SLC2A9: variants seen among roughly 807,000 people sequenced by gnomAD.
SLC2A9 encodes solute carrier family 2 member 9, also known as solute carrier family 2, facilitated glucose transporter member 9.
SLC2A9 carries 39 observed loss-of-function variants against 50.6 expected under a neutral mutation model. That is an observed-to-expected ratio of 0.77 (90% confidence interval 0.60 to 1.01). SLC2A9 has a LOEUF of 1.01. SLC2A9 is among the 50% of genes least tolerant of loss of function. SLC2A9 has a pLI of 0.00. For missense variants in SLC2A9, 686 were observed against 677.6 expected, an observed-to-expected ratio of 1.01 and a Z score of -0.14; for synonymous variants, 324 against 276.9, an observed-to-expected ratio of 1.17 and a Z score of -1.69.
At chr4:9,775,991 T>C (rs527351053), downstream of SLC2A9, among the ~76,000 whole-genome samples, 1 of 152,158 alleles carries the variant, frequency 6.6e-6, no homozygotes, top group Admixed American at 6.5e-5. Context: ...GGCTCAGATC[T>C]GTGGTTCACA....
intron 7 of SLC2A9, among the ~76,000 whole-genome samples, chr4:9,911,756 T>C (rs1741847981): frequency 1.3e-5 from 2 of 152,186 alleles, no homozygotes; most frequent in South Asian, 4.1e-4. Context: ...ATTTTAATGA[T>C]GATAAAAGAA....
At chr4:10,027,910 C>A (rs931203748) in intron 1 of SLC2A9, among the ~76,000 whole-genome samples, 1 of 152,016 alleles carries the variant, frequency 6.6e-6, no homozygotes, top group African/African-American at 2.4e-5. Context: ...CTATAGTTAC[C>A]CTGCTGATCT....
chr4:9,974,741 T>C (rs1754503790), intron 5 of SLC2A9, among the ~76,000 whole-genome samples: 1 of 151,676 alleles, frequency 6.6e-6, no homozygotes, highest in South Asian at 2.1e-4. Context: ...TCCACCAAAC[T>C]AGAAAAAAAA....
chr4:9,872,270 T>C (rs985361836), intron 10 of SLC2A9, among the ~76,000 whole-genome samples: 1 of 152,088 alleles, frequency 6.6e-6, no homozygotes, highest in Non-Finnish European at 1.5e-5. Flanking sequence ...CTCCTGTGAG[T>C]TGGGGCAGGG....
intron 7 of SLC2A9, among the ~76,000 whole-genome samples, chr4:9,908,964 T>C (rs1222110971): frequency 6.6e-6 from 1 of 152,180 alleles, no homozygotes; most frequent in East Asian, 1.9e-4. Flanking sequence ...AGCAGCCTTT[T>C]TTGGATTACT....
intron 3 of SLC2A9, among the ~76,000 whole-genome samples, chr4:9,786,585 C>T (rs1182750068): frequency 2.6e-5 from 4 of 152,222 alleles, no homozygotes; most frequent in African/African-American, 9.6e-5. Flanking sequence ...CAAAGTAGCT[C>T]TTACATGATG....
intron 5 of SLC2A9, among the ~76,000 whole-genome samples, chr4:9,965,352 C>T (rs1277236185): frequency 6.6e-6 from 1 of 152,184 alleles, no homozygotes; most frequent in African/African-American, 2.4e-5. Flanking sequence ...CACATTATCA[C>T]CCTTTTTTAA....
intron 3 of SLC2A9, among the ~76,000 whole-genome samples, chr4:9,818,456 T>C (rs1319448884): frequency 6.6e-6 from 1 of 152,250 alleles, no homozygotes; most frequent in East Asian, 1.9e-4. Context: ...CGGAGACAGC[T>C]TGAACTCAAC....
chr4:9,939,475 C>T (rs1340806315), intron 6 of SLC2A9, among the ~76,000 whole-genome samples: 1 of 152,168 alleles, frequency 6.6e-6, no homozygotes, highest in Non-Finnish European at 1.5e-5. Context: ...GAGCATGGTG[C>T]TAAGTAATAA....
At chr4:9,986,229 T>G (rs1420072335) in intron 3 of SLC2A9, among the ~76,000 whole-genome samples, 1 of 151,934 alleles carries the variant, frequency 6.6e-6, no homozygotes, top group Admixed American at 6.6e-5. Flanking sequence ...GAAGAAGGGG[T>G]GTTTCCCATG....
rs371268431 is a variant in SLC2A9 at position 9,890,635 on chromosome 4, G to C, written c.1190C>G (p.Thr397Ser). Residue 397 changes from threonine (T) to serine (S), a missense_variant, in exon 9 of 12, where the codon ACC becomes AGC. By Grantham distance (58) the Thr-to-Ser change is moderately conservative (BLOSUM62 1). Transcript: ENST00000264784. ...GFGLMGLFFG[T>S]LTITLTLQDH... is the part of the protein sequence containing the mutation. ...CTGCAGGGTCAGCGTGATGGTGAGG[G>C]TCCCAAAGAAGAGGCCCATGAGCCC... is the stretch of plus-strand genomic sequence containing the variant. 6.2e-7 allele frequency: 1 copy of C among 1,614,172 alleles called. No homozygotes were observed. The highest frequency in any genetic ancestry group is 1.3e-5 in the African/African-American group (1 of 75,040).
At chr4:9,783,230 G>T in intron 3 of SLC2A9, 1 of 1,614,160 alleles carries the variant, frequency 6.2e-7, no homozygotes. Flanking sequence ...CCAAGACATC[G>T]TCTTCCACAA....
chr4:9,902,218 C>T (rs1739767407), intron 8 of SLC2A9, among the ~76,000 whole-genome samples: 2 of 152,204 alleles, frequency 1.3e-5, no homozygotes, highest in Admixed American at 6.5e-5. Context: ...CATCCTTCAC[C>T]TTCTAAAACA....
At position 9,901,650 on chromosome 4, in the gene SLC2A9, T is replaced by C. The variant is rs1231796034; in HGVS notation, c.1113+6585A>G. Among the ~76,000 whole-genome samples the C allele has an allele frequency of 3.9e-5, 6 of 152,280 alleles. No homozygotes were observed. In the East Asian group the frequency reaches 5.8e-4, roughly 15 times the overall value. On this transcript the variant is annotated intron_variant, in intron 8 of 11. Coordinates refer to ENST00000264784, the MANE Select transcript of SLC2A9 (RefSeq NM_020041.3). ...TGGGAGAAAAGATTTGCAAACCATA[T>C]TTGAATCCCCTCAAGCCCCATGCCC...
At chr4:9,879,536 C>T (rs1734859370) in intron 10 of SLC2A9, 1 of 985,130 alleles carries the variant, frequency 1.0e-6, no homozygotes, top group Non-Finnish European at 1.2e-6. Flanking sequence ...CTGATACGCC[C>T]CTGCAGTCTT....
At chr4:9,984,415 T>C (rs1201511308) in intron 4 of SLC2A9, among the ~76,000 whole-genome samples, 3 of 152,174 alleles carry the variant, frequency 2.0e-5, no homozygotes, top group African/African-American at 7.2e-5. Flanking sequence ...TGTATATGTG[T>C]GTGTGTGAGA....
In SLC2A9 at chr4:9,826,308, G is replaced by T. The variant is rs1012740380; in HGVS notation, c.*89C>A. 8.3e-6 allele frequency: 11 copies of T among 1,333,312 alleles called. No individual in the cohort carries two copies. The highest frequency in any genetic ancestry group is 1.4e-5 in the African/African-American group (1 of 69,154). 82.6% of individuals were successfully genotyped at this position (1,333,312 alleles called of 1,614,324 possible). ...AATTCATTTAAGCTTCCCAATAATGGGTAAATTTTAAGTTTCCTGAAAAGT... is the reference window on the plus strand; with the variant it reads ...AATTCATTTAAGCTTCCCAATAATGTGTAAATTTTAAGTTTCCTGAAAAGT... On this transcript the variant is annotated 3_prime_UTR_variant, in exon 12 of 12. Transcript: ENST00000264784.
intron 6 of SLC2A9, among the ~76,000 whole-genome samples, chr4:9,925,959 G>T (rs1298662394): frequency 7.2e-5 from 11 of 152,162 alleles, no homozygotes; most frequent in African/African-American, 2.7e-4. Context: ...GAGCACAGCA[G>T]AGTGACAGAC....
chr4:10,021,540 A>G (rs1256757241), upstream of SLC2A9: 10 of 1,534,940 alleles, frequency 6.5e-6, no homozygotes, highest in Non-Finnish European at 8.8e-6. Flanking sequence ...AGTTCCTGAC[A>G]GGAAGTGTGG....
Sources: allele counts gnomAD v4.1 joint callset (sites outside exome capture counted in the v4.1 genomes callset), GRCh38; gene constraint gnomAD v4.1.1; transcripts MANE v1.5; gene names NCBI Gene and HGNC (gene_info 2026-07-23, HGNC 2026-07-21).